GPATCH2L: variants seen among roughly 807,000 people sequenced by gnomAD.
GPATCH2L encodes G patch domain-containing protein 2-like.
A neutral mutation model predicts 57.4 loss-of-function variants in GPATCH2L; 31 were observed. The ratio of observed to expected loss-of-function variants is 0.54; its 90% CI spans 0.41 to 0.73. The LOEUF (loss-of-function observed/expected upper bound fraction) is 0.73, where lower values mean the gene tolerates loss of function less well. Ranked by LOEUF, GPATCH2L falls within the 30% of genes least tolerant of loss-of-function variation. The pLI is 0.00. For missense variants in GPATCH2L, 481 were observed against 599.9 expected, an observed-to-expected ratio of 0.80 and a Z score of 2.07; for synonymous variants, 199 against 210.7, an observed-to-expected ratio of 0.94 and a Z score of 0.48.
chr14:76,208,578 CA>C lies in GPATCH2L; in HGVS notation c.*6728del. 1 of 153,050 alleles carries C rather than the reference CA, an allele frequency of 6.5e-6. No homozygotes were observed. The highest frequency in any genetic ancestry group is 1.5e-5 in the Non-Finnish European group (1 of 68,284). The allele number at this position is 153,050 out of a possible 1,614,324, so 9.5% of individuals were successfully genotyped here. On this transcript the variant is annotated 3_prime_UTR_variant, in exon 10 of 10. Transcript: ENST00000261530. Reference sequence around the variant, plus strand: ...TCCCACTTAGACACCCACACACACACACGCTTCCTTACCTTCTTGCCAGTGC... The same window carrying C: ...TCCCACTTAGACACCCACACACACACCGCTTCCTTACCTTCTTGCCAGTGC...
At chr14:76,158,424 C>T (rs946868793) in intron 2 of GPATCH2L, among the ~76,000 whole-genome samples, 3 of 152,304 alleles carry the variant, frequency 2.0e-5, no homozygotes, top group African/African-American at 7.2e-5. Context: ...GATCTCTGTC[C>T]ATCACCTCTC....
chr14:76,170,816 T>G (rs775023687), intron 3 of GPATCH2L: 1 of 152,218 alleles, frequency 6.6e-6, no homozygotes, highest in Non-Finnish European at 1.5e-5. Flanking sequence ...CAGTTTGTTT[T>G]TGTAATAAAG....
chr14:76,188,004 A>G (rs572062389), intron 8 of GPATCH2L, among the ~76,000 whole-genome samples: 2 of 152,256 alleles, frequency 1.3e-5, no homozygotes, highest in African/African-American at 2.4e-5. Context: ...CTTACTTAAT[A>G]TAATTATCTC....
intron 8 of GPATCH2L, among the ~76,000 whole-genome samples, chr14:76,186,872 T>A (rs900607982): frequency 6.6e-6 from 1 of 152,308 alleles, no homozygotes; most frequent in African/African-American, 2.4e-5. Context: ...TTAGCCCAGC[T>A]AAGGGAATTA....
chr14:76,222,919 G>A (rs2040521725), intron 1 of GPATCH2L, among the ~76,000 whole-genome samples: 1 of 148,088 alleles, frequency 6.8e-6, no homozygotes, highest in African/African-American at 2.5e-5. Context: ...TCGCACCACT[G>A]CACTCCAGCC....
At chr14:76,168,847 A>G (rs572570334) in intron 3 of GPATCH2L, among the ~76,000 whole-genome samples, 15 of 152,348 alleles carry the variant, frequency 9.8e-5, no homozygotes, top group African/African-American at 3.6e-4. Flanking sequence ...AATGCAGTCT[A>G]CCACATTAGA....
intron 8 of GPATCH2L, among the ~76,000 whole-genome samples, chr14:76,193,050 A>G (rs1465459157): frequency 6.6e-6 from 1 of 152,124 alleles, no homozygotes; most frequent in African/African-American, 2.4e-5. Context: ...TGGTGGTGGA[A>G]GGACCACCTG....
Position 76,207,153 on chromosome 14 carries a change from A to G in GPATCH2L, c.*5302A>G, listed in dbSNP as rs147040022. The G allele has an allele frequency of 0.049, 7,431 of 152,206 alleles. 302 individuals are homozygous for G. The highest frequency in any genetic ancestry group is 0.12 in the Admixed American group (1,864 of 15,276). 9.4% of individuals were successfully genotyped at this position (152,206 alleles called of 1,614,324 possible). ...AACACAGTGAGACCTTGTCTCTACA[A>G]AAAATTTTAAAAATTAGCTGGCTGT... On this transcript the variant is annotated 3_prime_UTR_variant, in exon 10 of 10. Coordinates refer to ENST00000261530, the MANE Select transcript of GPATCH2L (RefSeq NM_017926.4).
rs2040429954 is a variant in GPATCH2L at position 76,210,583 on chromosome 14, A to G, written c.*8732A>G. On this transcript the variant is annotated 3_prime_UTR_variant, in exon 10 of 10. Coordinates refer to ENST00000261530, the MANE Select transcript of GPATCH2L (RefSeq NM_017926.4). ...TAGCCGGTTTCTGTGACATCCTCTT[A>G]TAACAACCTAGTTTTGTTCTTGAGA... 1 of 152,154 alleles carries G rather than the reference A, an allele frequency of 6.6e-6. No individual in the cohort carries two copies. Among genetic ancestry groups the G allele is most frequent in the Admixed American group, 6.5e-5 (1 of 15,268 alleles). The allele number at this position is 152,154 out of a possible 1,614,324, so 9.4% of individuals were successfully genotyped here.
At chr14:76,220,636 G>C (rs374562942) in intron 1 of GPATCH2L, among the ~76,000 whole-genome samples, 1 of 152,064 alleles carries the variant, frequency 6.6e-6, no homozygotes, top group Non-Finnish European at 1.5e-5. Context: ...GTCAGAAGAG[G>C]TATTCTTTCC....
At chr14:76,183,506 A>G (rs560360487) in intron 8 of GPATCH2L, among the ~76,000 whole-genome samples, 1 of 152,394 alleles carries the variant, frequency 6.6e-6, no homozygotes, top group African/African-American at 2.4e-5. Flanking sequence ...TTTAAATTAT[A>G]CATATGTGTC....
chr14:76,217,608 T>A (rs8007757), downstream of GPATCH2L, among the ~76,000 whole-genome samples: 16,808 of 151,516 alleles, frequency 0.11, 973 homozygotes, highest in Admixed American at 0.15. Context: ...AAAAAAAACC[T>A]TGCATGCATA....
chr14:76,232,148 G>A (rs2040574789), intron 2 of GPATCH2L, among the ~76,000 whole-genome samples: 1 of 152,228 alleles, frequency 6.6e-6, no homozygotes, highest in Admixed American at 6.5e-5. Context: ...TTGGGCTCAA[G>A]CCATCCTCCT....
intron 2 of GPATCH2L, among the ~76,000 whole-genome samples, chr14:76,165,463 G>T (rs1053398158): frequency 6.7e-6 from 1 of 149,366 alleles, no homozygotes; most frequent in Non-Finnish European, 1.5e-5. Flanking sequence ...CAGCACTCCA[G>T]CCTGGGCAAT....
intron 9 of GPATCH2L, among the ~76,000 whole-genome samples, chr14:76,197,341 T>G (rs2040186074): frequency 6.6e-6 from 1 of 152,168 alleles, no homozygotes; most frequent in African/African-American, 2.4e-5. Flanking sequence ...ATATCTAGCT[T>G]TTATTTTTAG....
rs112160283 is a variant in GPATCH2L at position 76,168,053 on chromosome 14, C to T, written c.727+1326C>T. ...GAGAGATTATAGAATGTTCTGTACA[C>T]CTAGCTTTCCTCTCTTTCTCTGCTT... On this transcript the variant is annotated intron_variant, in intron 3 of 9. Transcript: ENST00000261530. Among the ~76,000 whole-genome samples the T allele has an allele frequency of 3.3e-3, 507 of 152,314 alleles. 2 individuals are homozygous for T. Among genetic ancestry groups the T allele is most frequent in the African/African-American group, 0.012 (492 of 41,582 alleles).
downstream of GPATCH2L, among the ~76,000 whole-genome samples, chr14:76,214,876 T>C (rs572778927): frequency 5.3e-5 from 8 of 152,272 alleles, no homozygotes; most frequent in South Asian, 1.7e-3. Context: ...GGTTTTTTTT[T>C]CTCTTTTTCA....
chr14:76,154,844 A>G lies in GPATCH2L; in HGVS notation c.481A>G (p.Lys161Glu). ...GAGCTATGAGAGAGGCTGCAGGTTC[A>G]AGTCTGCTAAGAAGCAGCGTCTGTC... ...DWSYERGCRF[K>E]SAKKQRLSRW... The change falls in exon 2 of 10, where the codon AAG (lysine) becomes GAG (glutamate). Residue 161 changes from lysine (K) to glutamate (E), a missense_variant. Lys to Glu is a moderately conservative substitution (Grantham distance 56). Around this residue, in one of 3 missense-constraint regions of GPATCH2L, gnomAD observed 208 missense variants for 272.4 expected, o/e 0.76. Transcript: ENST00000261530. This position sits in a 1 kb window ranked among gnomAD's most constrained non-coding sequence, Gnocchi z 4.4. 6.2e-7 allele frequency: 1 copy of G among 1,614,222 alleles called. No homozygotes were observed. Among genetic ancestry groups the G allele is most frequent in the Non-Finnish European group, 8.5e-7 (1 of 1,180,028 alleles).
At chr14:76,174,475 CAATATGTGCCA>C (rs1180327669) in intron 5 of GPATCH2L, 2 of 152,138 alleles carry the variant, frequency 1.3e-5, no homozygotes, top group Non-Finnish European at 2.9e-5. Flanking sequence ...CTAGGTGGCA[CAATATGTGCCA>C]CAGTCTGGCT....
Sources: allele counts gnomAD v4.1 joint callset (sites outside exome capture counted in the v4.1 genomes callset), GRCh38; gene constraint gnomAD v4.1.1; regional missense constraint gnomAD v4.1.1; non-coding constraint Gnocchi (gnomAD v3.1); transcripts MANE v1.5; gene names NCBI Gene and HGNC (gene_info 2026-07-23, HGNC 2026-07-21).